GRIA3: variants seen among roughly 807,000 people sequenced by gnomAD.
The protein encoded by GRIA3 is glutamate receptor 3.
GRIA3 carries 3 observed loss-of-function variants against 63.0 expected under a neutral mutation model. That is an observed-to-expected ratio of 0.05 (90% CI 0.02 to 0.12). The LOEUF (loss-of-function observed/expected upper bound fraction) is 0.12, where lower values mean the gene tolerates loss of function less well. GRIA3 is among the 10% of genes least tolerant of loss of function. GRIA3 has a pLI of 1.00. For missense variants in GRIA3, 347 were observed against 700.9 expected (o/e 0.50, Z 5.70); for synonymous variants, 274 against 257.9 (o/e 1.06, Z -0.60).
At chrX:123,469,521 A>C (rs1300746120) in intron 13 of GRIA3, among the ~76,000 whole-genome samples, 1 of 112,255 alleles carries the variant, frequency 8.9e-6, no homozygotes, top group Non-Finnish European at 1.9e-5. Context: ...AATTTCCCAA[A>C]CCTGAGCTAA....
chrX:123,367,461 G>C (rs1222725238), intron 5 of GRIA3, among the ~76,000 whole-genome samples: 3 of 107,481 alleles, frequency 2.8e-5, no homozygotes, highest in African/African-American at 1.0e-4. Flanking sequence ...TTTTGAGACA[G>C]AGTTTTGCCC....
chrX:123,256,493 T>G (rs1368001977), intron 3 of GRIA3, among the ~76,000 whole-genome samples: 1 of 110,955 alleles, frequency 9.0e-6, no homozygotes, highest in Non-Finnish European at 1.9e-5. Flanking sequence ...AGGCAGCATG[T>G]GAAGAGTAGA....
chrX:123,207,596 T>C (rs886751183), intron 2 of GRIA3, among the ~76,000 whole-genome samples: 1 of 112,357 alleles, frequency 8.9e-6, no homozygotes, highest in Non-Finnish European at 1.9e-5. Context: ...GCAAAGGATA[T>C]TCTCTTTGCT....
At chrX:123,222,401 T>C (rs1046793667) in intron 2 of GRIA3, among the ~76,000 whole-genome samples, 10 of 112,266 alleles carry the variant, frequency 8.9e-5, no homozygotes, top group Non-Finnish European at 1.7e-4. Flanking sequence ...GCAAAAAATA[T>C]AAGAAATTGA....
At chrX:123,407,692 G>GGT (rs1491288259) in intron 10 of GRIA3, among the ~76,000 whole-genome samples, 1 of 9,820 alleles carries the variant, frequency 1.0e-4, no homozygotes, top group Non-Finnish European at 3.7e-4. Context: ...ACTTGGTTGC[G>GGT]GGGGGGGGGG....
chrX:123,481,708 C>G (rs943545986), intron 14 of GRIA3, among the ~76,000 whole-genome samples: 6 of 111,618 alleles, frequency 5.4e-5, no homozygotes, highest in Admixed American at 3.8e-4. Flanking sequence ...TATTTTATTT[C>G]TTTTTCAAAG....
chrX:123,354,212 T>C (rs758723707), intron 4 of GRIA3, among the ~76,000 whole-genome samples: 4 of 110,993 alleles, frequency 3.6e-5, no homozygotes, highest in Non-Finnish European at 7.6e-5. Context: ...TTGTAGGATG[T>C]CTAGCGACAT....
At chrX:123,234,388 C>T (rs1439557372) in intron 2 of GRIA3, among the ~76,000 whole-genome samples, 1 of 112,041 alleles carries the variant, frequency 8.9e-6, no homozygotes, top group African/African-American at 3.2e-5. Flanking sequence ...AAGATTTGTA[C>T]TTTCTCTCTT....
In GRIA3 at chrX:123,417,485, G is replaced by A. The variant is rs766988950; in HGVS notation, c.1584G>A (p.Leu528=). The change falls in exon 11 of 16, where the codon CTG becomes CTA. Residue 528 remains leucine, a synonymous_variant. Coordinates refer to ENST00000620443, the MANE Select transcript of GRIA3 (RefSeq NM_007325.5). The part of the protein sequence containing the change: ...VIDFSKPFMS[L]GISIMIKKPQ... ...ATTTTTCAAAGCCATTCATGAGCCTGGGCATCTCCATCATGATAAAGAAGC... is the reference window on the plus strand; with the variant it reads ...ATTTTTCAAAGCCATTCATGAGCCTAGGCATCTCCATCATGATAAAGAAGC... 3 of 1,206,177 alleles carry A rather than the reference G, an allele frequency of 2.5e-6. No homozygotes were observed. The African/African-American group carries it at 5.3e-5, about 21-fold the overall frequency.
At chrX:123,482,118 C>A (rs1432727657) in intron 14 of GRIA3, among the ~76,000 whole-genome samples, 1 of 111,996 alleles carries the variant, frequency 8.9e-6, no homozygotes, top group Non-Finnish European at 1.9e-5. Context: ...CTTGTTCCAG[C>A]AACACAAAGA....
At chrX:123,297,782 T>C (rs1783201994) in intron 3 of GRIA3, among the ~76,000 whole-genome samples, 1 of 110,640 alleles carries the variant, frequency 9.0e-6, no homozygotes, top group African/African-American at 3.3e-5. Context: ...TAGATAAACT[T>C]ATGTCATAGG....
At chrX:123,344,071 T>C (rs1228960431) in intron 4 of GRIA3, among the ~76,000 whole-genome samples, 1 of 112,158 alleles carries the variant, frequency 8.9e-6, no homozygotes, top group Non-Finnish European at 1.9e-5. Context: ...TTGTGAAATA[T>C]CACCTCATCT....
chrX:123,424,413 G>A (rs889027345), intron 11 of GRIA3, among the ~76,000 whole-genome samples: 43 of 111,536 alleles, frequency 3.9e-4, no homozygotes, highest in African/African-American at 1.2e-3. Context: ...GGATTGAGGC[G>A]CTTATGCTAA....
chrX:123,204,860 C>T (rs1401028192), intron 2 of GRIA3, among the ~76,000 whole-genome samples: 1 of 112,113 alleles, frequency 8.9e-6, no homozygotes, highest in Non-Finnish European at 1.9e-5. Flanking sequence ...AATTTCTCTT[C>T]TTAGGCTTTT....
chrX:123,305,489 T>C (rs1042906943), intron 3 of GRIA3, among the ~76,000 whole-genome samples: 19 of 112,604 alleles, frequency 1.7e-4, no homozygotes, highest in African/African-American at 3.9e-4. Context: ...AAAATAAACA[T>C]TGAGACTTTG....
intron 13 of GRIA3, among the ~76,000 whole-genome samples, chrX:123,472,507 A>G (rs1358187575): frequency 8.9e-6 from 1 of 111,790 alleles, no homozygotes; most frequent in African/African-American, 3.2e-5. Context: ...TGTATTTGAG[A>G]AAGTGTCTAT....
intron 13 of GRIA3, among the ~76,000 whole-genome samples, chrX:123,471,433 T>C (rs1030585172): frequency 8.9e-6 from 1 of 112,384 alleles, no homozygotes; most frequent in Non-Finnish European, 1.9e-5. Context: ...TATTTGCCTT[T>C]GGTGTTATCC....
intron 12 of GRIA3, among the ~76,000 whole-genome samples, chrX:123,463,708 GAAA>G (rs1569440938): frequency 2.2e-5 from 2 of 90,630 alleles, no homozygotes; most frequent in Non-Finnish European, 4.4e-5. Context: ...GAAAAAGAAA[GAAA>G]GAAAGAAAGA....
At chrX:123,444,112 T>C (rs769211325) in intron 12 of GRIA3, among the ~76,000 whole-genome samples, 3 of 111,218 alleles carry the variant, frequency 2.7e-5, no homozygotes, top group African/African-American at 9.8e-5. Context: ...TCTTAACCTT[T>C]AGCCAAAGAT....
Sources: gnomAD v4.1 joint callset for allele counts (sites outside exome capture counted in the v4.1 genomes callset) on GRCh38, gnomAD v4.1.1 for gene constraint, MANE v1.5 for transcripts, NCBI Gene and HGNC (gene_info 2026-07-23, HGNC 2026-07-21) for gene names.